Variants in RSBN1 observed in about 807,000 individuals in gnomAD.
The protein encoded by RSBN1 is round spermatid basic protein 1.
A neutral mutation model predicts 74.8 loss-of-function variants in RSBN1; 23 were observed. The ratio of observed to expected loss-of-function variants is 0.31; its 90% confidence interval spans 0.22 to 0.44. The LOEUF is 0.44. Among genes scored for constraint, RSBN1 ranks in the 20% least tolerant of loss-of-function variants. RSBN1 has a pLI of 1.00. For synonymous variants in RSBN1, 407 were observed against 379.6 expected, an observed-to-expected ratio of 1.07 and a Z score of -0.84; for missense variants, 808 against 1,020.9, an observed-to-expected ratio of 0.79 and a Z score of 2.84.
chr1:113,789,777 T>C (rs968863814), intron 2 of RSBN1, among the ~76,000 whole-genome samples: 4 of 152,308 alleles, frequency 2.6e-5, no homozygotes, highest in East Asian at 1.9e-4. Context: ...TCTGTGTTGA[T>C]TGCTGTTGTT....
At chr1:113,799,609 C>G (rs1325892628) in intron 1 of RSBN1, among the ~76,000 whole-genome samples, 1 of 128,682 alleles carries the variant, frequency 7.8e-6, no homozygotes, top group Non-Finnish European at 1.7e-5. Context: ...CACACACACA[C>G]ACAGAAAAAT....
Position 113,797,774 on chromosome 1 carries a change from C to T in RSBN1, c.966G>A (p.Leu322=), listed in dbSNP as rs141556426. Residue 322 remains leucine, a synonymous_variant, in exon 2 of 7, where the codon TTG becomes TTA. Transcript: ENST00000261441. Reference sequence around the variant, plus strand: ...GGGGTACCCGATATTCTTGCATACCCAAATTTAATCGGCACAGCTGTTCAT... The same window carrying T: ...GGGGTACCCGATATTCTTGCATACCTAAATTTAATCGGCACAGCTGTTCAT... ...LKDEQLCRLN[L]GMQEYRVPQG... 4.6e-5 allele frequency: 74 copies of T among 1,613,972 alleles called. No homozygotes were observed. The African/African-American group carries it at 9.5e-4, about 21-fold the overall frequency.
At chr1:113,770,986 A>C (rs899300374) in intron 4 of RSBN1, among the ~76,000 whole-genome samples, 5 of 152,166 alleles carry the variant, frequency 3.3e-5, no homozygotes, top group Non-Finnish European at 7.4e-5. Flanking sequence ...AAAAATTATC[A>C]GAAAGGAAAG....
At chr1:113,802,862 C>T (rs994923933) in intron 1 of RSBN1, among the ~76,000 whole-genome samples, 1 of 152,082 alleles carries the variant, frequency 6.6e-6, no homozygotes, top group African/African-American at 2.4e-5. Context: ...TTCGCCTGCC[C>T]GCAGTCCATG....
At chr1:113,784,723 C>T (rs1156874391) in intron 2 of RSBN1, among the ~76,000 whole-genome samples, 1 of 152,218 alleles carries the variant, frequency 6.6e-6, no homozygotes, top group Non-Finnish European at 1.5e-5. Flanking sequence ...TAACAGGCCA[C>T]AGACCAGTAC....
chr1:113,809,722 A>C (rs1170668317), intron 1 of RSBN1, among the ~76,000 whole-genome samples: 2 of 152,190 alleles, frequency 1.3e-5, no homozygotes, highest in Non-Finnish European at 2.9e-5. Flanking sequence ...TCTCTTCTTC[A>C]CATGTTGGCA....
At chr1:113,780,817 A>G (rs1332623061) in intron 2 of RSBN1, among the ~76,000 whole-genome samples, 1 of 152,234 alleles carries the variant, frequency 6.6e-6, no homozygotes, top group Non-Finnish European at 1.5e-5. Flanking sequence ...TGAAAGCTGC[A>G]ATGTATAAAG....
chr1:113,804,674 G>T (rs1359644521), intron 1 of RSBN1, among the ~76,000 whole-genome samples: 3 of 152,100 alleles, frequency 2.0e-5, no homozygotes, highest in Non-Finnish European at 2.9e-5. Flanking sequence ...AGGTGTTTTT[G>T]CCTCTCTCAG....
chr1:113,777,199 GA>G lies in RSBN1; in HGVS notation c.1658+10del. ...AGTAGTTTTGCTTATTTGAGAAAAA[GA>G]AATATTTACCGTCGTCTTTTGAAGG... On this transcript the variant is annotated intron_variant, in intron 4 of 6. Transcript: ENST00000261441. 6.3e-7 allele frequency: 1 copy of G among 1,596,018 alleles called. No homozygotes were observed. The highest frequency in any genetic ancestry group is 8.5e-7 in the Non-Finnish European group (1 of 1,171,894).
At chr1:113,771,352 C>T (rs1222142505) in intron 4 of RSBN1, among the ~76,000 whole-genome samples, 4 of 151,874 alleles carry the variant, frequency 2.6e-5, no homozygotes, top group Non-Finnish European at 4.4e-5. Context: ...AAGACTATTC[C>T]TTGAGAATGT....
chr1:113,786,596 G>A (rs1032599920), intron 2 of RSBN1, among the ~76,000 whole-genome samples: 1 of 152,196 alleles, frequency 6.6e-6, no homozygotes, highest in Non-Finnish European at 1.5e-5. Context: ...TAAGACACAA[G>A]AAGCTAAAAA....
At chr1:113,770,345 A>G (rs1434047439) in intron 4 of RSBN1, among the ~76,000 whole-genome samples, 1 of 152,194 alleles carries the variant, frequency 6.6e-6, no homozygotes, top group Non-Finnish European at 1.5e-5. Context: ...TAGAACAGAG[A>G]AAAGGAAAGA....
In RSBN1 at chr1:113,762,494, C is replaced by T. The variant is rs1211558409; in HGVS notation, c.*3486G>A. On this transcript the variant is annotated 3_prime_UTR_variant, in exon 7 of 7. Transcript: ENST00000261441. Reference sequence around the variant, plus strand: ...GTTTGAAAAACAAAACAGATGTGAACCTCTGGCATGTGCTAGCTAGTGAAA... The same window carrying T: ...GTTTGAAAAACAAAACAGATGTGAATCTCTGGCATGTGCTAGCTAGTGAAA... 1 of 152,490 alleles carries T rather than the reference C, an allele frequency of 6.6e-6. No individual in the cohort carries two copies. Among genetic ancestry groups the T allele is most frequent in the Non-Finnish European group, 1.5e-5 (1 of 68,010 alleles). 9.4% of individuals were successfully genotyped at this position (152,490 alleles called of 1,614,324 possible).
chr1:113,767,990 G>GT (rs1449500812), intron 5 of RSBN1: 2 of 345,326 alleles, frequency 5.8e-6, no homozygotes, highest in African/African-American at 4.2e-5. Context: ...AGGAATTGTT[G>GT]TTCAGTGAGT....
chr1:113,772,184 T>C (rs184573827), intron 4 of RSBN1, among the ~76,000 whole-genome samples: 16 of 152,024 alleles, frequency 1.1e-4, no homozygotes, highest in African/African-American at 3.1e-4. Context: ...AAACAGAATA[T>C]GAATTAACCC....
chr1:113,766,343 G>C lies in RSBN1; in HGVS notation c.2046C>G (p.Val682=), dbSNP rs1434722155. 3.7e-6 allele frequency: 6 copies of C among 1,614,066 alleles called. No homozygotes were observed. Among genetic ancestry groups the C allele is most frequent in the Non-Finnish European group, 5.1e-6 (6 of 1,179,950 alleles). Residue 682 remains valine, a synonymous_variant, in exon 7 of 7, where the codon GTC becomes GTG. Coordinates refer to ENST00000261441, the MANE Select transcript of RSBN1 (RefSeq NM_018364.5). Reference sequence around the variant, plus strand: ...CCGAAACTGTTTTGAACTGATGAATGACATTTCTAGGGATGAAGTAGATAT... The same window carrying C: ...CCGAAACTGTTTTGAACTGATGAATCACATTTCTAGGGATGAAGTAGATAT... The part of the protein sequence containing the change: ...DNDIYFIPRN[V]IHQFKTVSAV...
At chr1:113,810,559 T>TG (rs570722274) in intron 1 of RSBN1, among the ~76,000 whole-genome samples, 109 of 152,342 alleles carry the variant, frequency 7.2e-4, no homozygotes, top group African/African-American at 2.5e-3. Flanking sequence ...AAAAATTTAA[T>TG]GCTATTCAAT....
At chr1:113,800,321 T>C (rs1660555849) in intron 1 of RSBN1, among the ~76,000 whole-genome samples, 1 of 152,140 alleles carries the variant, frequency 6.6e-6, no homozygotes, top group Non-Finnish European at 1.5e-5. Context: ...TCATCTTTTA[T>C]TCTATATACA....
chr1:113,776,481 A>G (rs1023622309), intron 4 of RSBN1, among the ~76,000 whole-genome samples: 2 of 152,164 alleles, frequency 1.3e-5, no homozygotes, highest in East Asian at 3.9e-4. Flanking sequence ...AGCTAGGACT[A>G]AAGGCATATG....
Sources: allele counts gnomAD v4.1 joint callset (sites outside exome capture counted in the v4.1 genomes callset), GRCh38; gene constraint gnomAD v4.1.1; transcripts MANE v1.5; gene names NCBI Gene and HGNC (gene_info 2026-07-23, HGNC 2026-07-21).